Variants in HCN1 observed in about 807,000 individuals in gnomAD.
HCN1 encodes the protein potassium/sodium hyperpolarization-activated cyclic nucleotide-gated channel 1.
HCN1 carries 13 observed loss-of-function variants against 78.9 expected under a neutral mutation model. The ratio of observed to expected loss-of-function variants is 0.16; its 90% CI spans 0.11 to 0.26. The LOEUF is 0.26. HCN1 is among the 10% of genes least tolerant of loss of function. The pLI is 1.00. For missense variants in HCN1, 810 were observed against 1,154.3 expected (o/e 0.70, Z 4.32); for synonymous variants, 552 against 455.5 (o/e 1.21, Z -2.70).
rs557503069 is a variant in HCN1 at position 45,481,265 on chromosome 5, AC to A, written c.850-19259del. The stretch of plus-strand genomic sequence containing the variant: ...CTGCTGATATCTCTCATGAACACCA[AC>A]AAGGATGTATATACCACGTTTTCTT... On this transcript the variant is annotated intron_variant, in intron 2 of 7. Coordinates refer to ENST00000303230, the MANE Select transcript of HCN1 (RefSeq NM_021072.4). 1.5e-4 allele frequency among the ~76,000 whole-genome samples: 23 copies of A among 152,346 alleles called. No individual in the cohort carries two copies. In the South Asian group the frequency reaches 3.1e-3, roughly 21 times the overall value.
intron 2 of HCN1, among the ~76,000 whole-genome samples, chr5:45,620,674 A>T (rs1745042972): frequency 6.6e-6 from 1 of 151,960 alleles, no homozygotes; most frequent in African/African-American, 2.4e-5. Context: ...GACCAAGCAA[A>T]TCTCAGCAAA....
chr5:45,468,934 T>C (rs1741333909), intron 2 of HCN1, among the ~76,000 whole-genome samples: 1 of 152,040 alleles, frequency 6.6e-6, no homozygotes, highest in Non-Finnish European at 1.5e-5. Flanking sequence ...TACTAATAAA[T>C]ATCTAACTGA....
rs544240204 is a variant in HCN1 at position 45,625,977 on chromosome 5, C to G, written c.849+19208G>C. Among the ~76,000 whole-genome samples, 21 of 152,288 alleles carry G rather than the reference C, an allele frequency of 1.4e-4. No homozygotes were observed. In the South Asian group the frequency reaches 4.1e-3, roughly 30 times the overall value. ...TTTGTGCTCACAATTCACAACAATT[C>G]TTTTATGTGCCAGGAATTGTGTTCA... is the stretch of plus-strand genomic sequence containing the variant. On this transcript the variant is annotated intron_variant, in intron 2 of 7. Transcript: ENST00000303230.
intron 3 of HCN1, among the ~76,000 whole-genome samples, chr5:45,459,870 T>C (rs1481871745): frequency 6.6e-6 from 1 of 152,124 alleles, no homozygotes; most frequent in Non-Finnish European, 1.5e-5. Context: ...TGTTGCCTTT[T>C]CTTCTCCTGA....
chr5:45,468,381 A>T (rs1443218689), intron 2 of HCN1, among the ~76,000 whole-genome samples: 1 of 152,112 alleles, frequency 6.6e-6, no homozygotes, highest in Non-Finnish European at 1.5e-5. Context: ...TGTTATTTTA[A>T]TCCAGGTGTT....
chr5:45,658,053 G>C (rs560103425), intron 1 of HCN1, among the ~76,000 whole-genome samples: 1 of 152,234 alleles, frequency 6.6e-6, no homozygotes, highest in African/African-American at 2.4e-5. Context: ...TAGATCAATG[G>C]AACAGAACAG....
intron 2 of HCN1, among the ~76,000 whole-genome samples, chr5:45,625,362 C>A (rs1167014076): frequency 6.6e-6 from 1 of 152,022 alleles, no homozygotes; most frequent in Non-Finnish European, 1.5e-5. Context: ...ACAATATGTA[C>A]AATTAGTGTC....
intron 2 of HCN1, among the ~76,000 whole-genome samples, chr5:45,616,713 T>G (rs1561221473): frequency 6.6e-6 from 1 of 152,030 alleles, no homozygotes. Flanking sequence ...CCTTTGGCTC[T>G]TCCATTAAAT....
chr5:45,325,059 A>T (rs1305161094), intron 5 of HCN1, among the ~76,000 whole-genome samples: 2 of 151,624 alleles, frequency 1.3e-5, no homozygotes, highest in African/African-American at 4.8e-5. Flanking sequence ...ACCAATCTGG[A>T]GCAGGAACAG....
chr5:45,619,540 AAATGAATG>A, intron 2 of HCN1, among the ~76,000 whole-genome samples: 1 of 152,262 alleles, frequency 6.6e-6, no homozygotes, highest in Admixed American at 6.5e-5. Flanking sequence ...ACGCTGATGT[AAATGAATG>A]AATGAATGAA....
intron 2 of HCN1, among the ~76,000 whole-genome samples, chr5:45,475,004 T>G (rs1741483194): frequency 6.6e-6 from 1 of 152,014 alleles, no homozygotes; most frequent in Non-Finnish European, 1.5e-5. Flanking sequence ...TAAAATAACC[T>G]GTATATCTTT....
At chr5:45,489,207 A>G (rs1741831050) in intron 2 of HCN1, among the ~76,000 whole-genome samples, 1 of 152,184 alleles carries the variant, frequency 6.6e-6, no homozygotes, top group African/African-American at 2.4e-5. Flanking sequence ...ATAGCAAGAA[A>G]TTGCAGAAAT....
intron 1 of HCN1, among the ~76,000 whole-genome samples, chr5:45,646,049 GA>G (rs201336341): frequency 6.7e-6 from 1 of 150,016 alleles, no homozygotes; most frequent in Non-Finnish European, 1.5e-5. Context: ...TCATAGATTA[GA>G]AAAAAAAACC....
chr5:45,372,759 C>T (rs1475587101), intron 4 of HCN1, among the ~76,000 whole-genome samples: 6 of 141,510 alleles, frequency 4.2e-5, no homozygotes, highest in Non-Finnish European at 7.6e-5. Flanking sequence ...GTATTCTATA[C>T]ACAAAAATAT....
intron 1 of HCN1, among the ~76,000 whole-genome samples, chr5:45,686,099 C>T (rs1416665398): frequency 6.6e-6 from 1 of 150,654 alleles, no homozygotes; most frequent in Non-Finnish European, 1.5e-5. Flanking sequence ...TACTATATAC[C>T]CCATGAATTT....
rs368415132 is a variant in HCN1, at chr5:45,412,594, TTCTC to T, written c.1012-15888_1012-15885del. On this transcript the variant is annotated intron_variant, in intron 3 of 7. Transcript: ENST00000303230. Reference sequence around the variant, plus strand: ...AGGCTTGAAATTACCTCTATTAAGCTTCTCTCTATTTACATAAGAAAGTAAAATC... The same window carrying T: ...AGGCTTGAAATTACCTCTATTAAGCTTCTATTTACATAAGAAAGTAAAATC... Among the ~76,000 whole-genome samples the T allele has an allele frequency of 3.2e-4, 49 of 152,242 alleles. No homozygotes were observed. In the East Asian group the frequency reaches 7.5e-3, roughly 23 times the overall value.
intron 4 of HCN1, among the ~76,000 whole-genome samples, chr5:45,387,117 A>G (rs1747938274): frequency 6.6e-6 from 1 of 151,886 alleles, no homozygotes; most frequent in South Asian, 2.1e-4. Context: ...AAAAAGTTGA[A>G]AATATTTTGT....
At chr5:45,322,312 G>A (rs990634668) in intron 5 of HCN1, among the ~76,000 whole-genome samples, 1 of 151,840 alleles carries the variant, frequency 6.6e-6, no homozygotes, top group Non-Finnish European at 1.5e-5. Context: ...ACAGATGGCA[G>A]CTTTTCTTAG....
intron 1 of HCN1, among the ~76,000 whole-genome samples, chr5:45,646,844 G>A (rs999597234): frequency 1.3e-5 from 2 of 152,030 alleles, no homozygotes; most frequent in Non-Finnish European, 2.9e-5. Context: ...AGAAACATGA[G>A]TTACTTTATC....
Sources: gnomAD v4.1 joint callset for allele counts (sites outside exome capture counted in the v4.1 genomes callset) on GRCh38, gnomAD v4.1.1 for gene constraint, MANE v1.5 for transcripts, NCBI Gene and HGNC (gene_info 2026-07-23, HGNC 2026-07-21) for gene names.